The following CLOCK variants were observed in gnomAD, a reference collection of about 807,000 sequenced individuals.
CLOCK encodes circadian locomoter output cycles protein kaput.
In CLOCK, 43 loss-of-function variants were observed where a neutral mutation model predicts 118.4. That is an observed-to-expected ratio of 0.36 (90% CI 0.28 to 0.47). The LOEUF (loss-of-function observed/expected upper bound fraction) is 0.47, where lower values mean the gene tolerates loss of function less well. CLOCK is among the 20% of genes least tolerant of loss of function. CLOCK has a pLI of 1.00. For synonymous variants in CLOCK, 326 were observed against 339.2 expected, an observed-to-expected ratio of 0.96 and a Z score of 0.43; for missense variants, 846 against 999.9, an observed-to-expected ratio of 0.85 and a Z score of 2.08.
chr4:55,434,079 A>G lies in CLOCK; in HGVS notation c.*1336T>C, dbSNP rs973415166. 1 of 152,612 alleles carries G rather than the reference A, an allele frequency of 6.6e-6. No individual in the cohort carries two copies. Among genetic ancestry groups the G allele is most frequent in the Non-Finnish European group, 1.5e-5 (1 of 68,030 alleles). The allele number at this position is 152,612 out of a possible 1,614,324, so 9.5% of individuals were successfully genotyped here. A position where few individuals can be genotyped will look rare whatever the true frequency, so the allele number is the denominator to read the frequency against. On this transcript the variant is annotated 3_prime_UTR_variant, in exon 23 of 23. Transcript: ENST00000513440. ...GAGACTGATAGCAGTCTTCAGAGGA[A>G]CTTATTAGGAGACTAATAATGACAC...
At chr4:55,491,523 AT>A (rs57569937) in intron 2 of CLOCK, among the ~76,000 whole-genome samples, 37,390 of 151,862 alleles carry the variant, frequency 0.25, 4,936 homozygotes, top group South Asian at 0.37. Context: ...ATAAAAAAGT[AT>A]TTTTTTGAGA....
chr4:55,470,867 TA>T, intron 7 of CLOCK, 61 bp from the exon 8 acceptor site: 1 of 1,203,882 alleles, frequency 8.3e-7, no homozygotes, highest in Non-Finnish European at 1.2e-6. Context: ...AGGACAGAAA[TA>T]AAAATTTGAG....
intron 4 of CLOCK, 134 bp from the exon 5 acceptor site, chr4:55,479,833 C>T (rs1359159174): frequency 1.2e-5 from 8 of 683,612 alleles, no homozygotes; most frequent in Admixed American, 9.4e-5. Flanking sequence ...AAACTACTAA[C>T]CTATTTCCTA....
At chr4:55,543,581 G>C (rs1441061290) in intron 1 of CLOCK, among the ~76,000 whole-genome samples, 1 of 152,078 alleles carries the variant, frequency 6.6e-6, no homozygotes, top group Non-Finnish European at 1.5e-5. Flanking sequence ...GGATGTAAAG[G>C]GGTTGTCACT....
At position 55,442,638 on chromosome 4, in the gene CLOCK, TTAAAAA is replaced by T. The variant is rs771998439; in HGVS notation, c.1903-10_1903-5del. On this transcript the variant is annotated splice_region_variant and splice_polypyrimidine_tract_variant and intron_variant, in intron 20 of 22. Transcript: ENST00000513440. ...CACTCAGTACATTTTGTTGACTCTG[TTAAAAA>T]TAAAGAGATTTTATAGACAGATTAA... 5 of 1,611,912 alleles carry T rather than the reference TTAAAAA, an allele frequency of 3.1e-6. No individual in the cohort carries two copies. Among genetic ancestry groups the T allele is most frequent in the African/African-American group, 2.7e-5 (2 of 74,632 alleles).
At chr4:55,475,830 CTGAAA>C in intron 7 of CLOCK, 128 bp downstream of exon 7, 1 of 666,112 alleles carries the variant, frequency 1.5e-6, no homozygotes, top group Non-Finnish European at 2.7e-6. Flanking sequence ...ACTCATTTTA[CTGAAA>C]TATTAGCTTT....
intron 7 of CLOCK, among the ~76,000 whole-genome samples, chr4:55,472,984 G>A (rs1029852217): frequency 6.6e-6 from 1 of 152,156 alleles, no homozygotes; most frequent in African/African-American, 2.4e-5. Flanking sequence ...CCAGCACTTT[G>A]GGAGGCCAAG....
At position 55,450,214 on chromosome 4, in the gene CLOCK, C is replaced by T; in HGVS notation, c.1225G>A (p.Asp409Asn). The T allele has an allele frequency of 6.2e-7, 1 of 1,613,972 alleles. No individual in the cohort carries two copies. The highest frequency in any genetic ancestry group is 1.1e-5 in the South Asian group (1 of 91,072). ...AGACTGACTGTGTTTATACGATTAT[C>T]TGACCCAGAATCTTGGCTCTATGGA... ...AADKSQDSGSDNRINTVSLKE... is the reference protein window; with the variant it reads ...AADKSQDSGSNNRINTVSLKE... The change falls in exon 16 of 23, where the codon GAT becomes AAT. Residue 409 changes from aspartate to asparagine, a missense_variant. By Grantham distance (23) the Asp-to-Asn change is conservative. Around this residue, in one of 4 missense-constraint regions of CLOCK, gnomAD observed 520 missense variants for 558.0 expected, o/e 0.93. Transcript: ENST00000513440.
intron 1 of CLOCK, among the ~76,000 whole-genome samples, chr4:55,539,006 C>T (rs1311196684): frequency 6.6e-6 from 1 of 150,826 alleles, no homozygotes; most frequent in South Asian, 2.1e-4. Context: ...CCAAGGTGGG[C>T]AGATCACTTG....
intron 21 of CLOCK, among the ~76,000 whole-genome samples, chr4:55,441,860 T>G (rs920708952): frequency 6.6e-6 from 1 of 152,174 alleles, no homozygotes; most frequent in Non-Finnish European, 1.5e-5. Context: ...AATATATGCT[T>G]AAGCACTCAA....
chr4:55,501,074 A>C (rs1263627337), intron 2 of CLOCK, among the ~76,000 whole-genome samples: 1 of 151,882 alleles, frequency 6.6e-6, no homozygotes, highest in Admixed American at 6.6e-5. Context: ...GGCTGATCTC[A>C]AACTACTGAG....
chr4:55,456,021 C>G lies in CLOCK; in HGVS notation c.876-18G>C. 1.3e-6 allele frequency: 2 copies of G among 1,563,230 alleles called. No individual in the cohort carries two copies. Among genetic ancestry groups the G allele is most frequent in the Non-Finnish European group, 1.8e-6 (2 of 1,135,232 alleles). On this transcript the variant is annotated intron_variant, in intron 12 of 22. Transcript: ENST00000513440. ...GTGGTGCCCTAAATTACACAGAAAA[C>G]AATCATTATTATAAGTTTTTCCATA...
At chr4:55,472,871 C>T (rs1374868954) in intron 7 of CLOCK, among the ~76,000 whole-genome samples, 3 of 152,116 alleles carry the variant, frequency 2.0e-5, no homozygotes, top group Non-Finnish European at 4.4e-5. Flanking sequence ...CGAGCAAACT[C>T]ATGAATTATT....
chr4:55,535,489 T>C (rs13141049), intron 1 of CLOCK, among the ~76,000 whole-genome samples: 51,306 of 151,866 alleles, frequency 0.34, 9,356 homozygotes, highest in East Asian at 0.58. Flanking sequence ...GGAGGATCAC[T>C]TGAGCCCAGG....
At chr4:55,482,530 C>T (rs1050726644) in intron 4 of CLOCK, among the ~76,000 whole-genome samples, 1 of 152,166 alleles carries the variant, frequency 6.6e-6, no homozygotes, top group African/African-American at 2.4e-5. Context: ...TTAAAACACA[C>T]AAGCCATATG....
intron 1 of CLOCK, among the ~76,000 whole-genome samples, chr4:55,511,183 C>T (rs1399782441): frequency 6.6e-6 from 1 of 152,160 alleles, no homozygotes; most frequent in African/African-American, 2.4e-5. Context: ...TTAACAATTA[C>T]TAAGCACTTT....
At position 55,516,530 on chromosome 4, in the gene CLOCK, C is replaced by T. The variant is rs541206061; in HGVS notation, c.-289-6465G>A. 2.7e-3 allele frequency among the ~76,000 whole-genome samples: 404 copies of T among 149,700 alleles called. 1 individual carries two copies. The highest frequency in any genetic ancestry group is 9.0e-3 in the South Asian group (42 of 4,692). On this transcript the variant is annotated intron_variant, in intron 1 of 22. Coordinates refer to ENST00000513440, the MANE Select transcript of CLOCK (RefSeq NM_004898.4). ...TAATATAGCTATTCATGCTTTCTTT[C>T]GGTTAGTGTTAGCATATTGTATTTT...
In CLOCK at chr4:55,428,786, AC is replaced by A. The variant is rs1722342074; in HGVS notation, c.*6628del. ...ACAATGAAAAATTTACAAAGGTAAA[AC>A]TTTTTTTTTTTTTTTGCACTGACTG... On this transcript the variant is annotated 3_prime_UTR_variant, in exon 23 of 23. Coordinates refer to ENST00000513440, the MANE Select transcript of CLOCK (RefSeq NM_004898.4). 6.7e-6 allele frequency: 1 copy of A among 149,802 alleles called. No individual in the cohort carries two copies. The highest frequency in any genetic ancestry group is 6.6e-5 in the Admixed American group (1 of 15,076). 9.3% of individuals were successfully genotyped at this position (149,802 alleles called of 1,614,324 possible).
chr4:55,449,550 A>G, intron 16 of CLOCK, 54 bp from the exon 17 acceptor site: 1 of 1,404,232 alleles, frequency 7.1e-7, no homozygotes, highest in Non-Finnish European at 1.0e-6. Context: ...ATAGTTTTTA[A>G]AGATTAATCT....
Sources: allele counts gnomAD v4.1 joint callset (sites outside exome capture counted in the v4.1 genomes callset), GRCh38; gene constraint gnomAD v4.1.1; regional missense constraint gnomAD v4.1.1; transcripts MANE v1.5; gene names NCBI Gene and HGNC (gene_info 2026-07-23, HGNC 2026-07-21).